The following DLG2 variants were observed in gnomAD, a reference collection of about 807,000 sequenced individuals.
The protein encoded by DLG2 is disks large homolog 2.
DLG2 carries 45 observed loss-of-function variants against 132.5 expected under a neutral mutation model. That is an observed-to-expected ratio of 0.34 (90% CI 0.27 to 0.44). The LOEUF is 0.44. DLG2 is among the 20% of genes least tolerant of loss of function. The probability of loss-of-function intolerance (pLI) is 1.00; values close to 1 mark genes in which losing one functional copy is unlikely to be tolerated. For missense variants in DLG2, 1,045 were observed against 1,196.9 expected (o/e 0.87, Z 1.87); for synonymous variants, 424 against 419.6 (o/e 1.01, Z -0.13).
chr11:85,477,010 C>A (rs1214112945), intron 3 of DLG2, among the ~76,000 whole-genome samples: 3 of 151,998 alleles, frequency 2.0e-5, no homozygotes, highest in Non-Finnish European at 4.4e-5. Flanking sequence ...TTGTTTACAC[C>A]AGCATCAATA....
chr11:84,141,440 C>A (rs958942779), intron 9 of DLG2, among the ~76,000 whole-genome samples: 1 of 151,962 alleles, frequency 6.6e-6, no homozygotes. Context: ...ATTTGTATAT[C>A]TGTTACATAT....
chr11:84,246,902 C>T (rs1419064863), intron 8 of DLG2, among the ~76,000 whole-genome samples: 2 of 151,778 alleles, frequency 1.3e-5, no homozygotes, highest in Non-Finnish European at 2.9e-5. Flanking sequence ...GGTTACACAC[C>T]AAAAATTGGC....
At chr11:83,719,940 A>G (rs545604197) in intron 18 of DLG2, among the ~76,000 whole-genome samples, 5 of 152,152 alleles carry the variant, frequency 3.3e-5, no homozygotes, top group Non-Finnish European at 5.9e-5. Flanking sequence ...TCTGTATATT[A>G]CATGCTATCT....
chr11:85,378,138 ATT>A (rs1384032197), intron 3 of DLG2, among the ~76,000 whole-genome samples: 1 of 152,094 alleles, frequency 6.6e-6, no homozygotes, highest in East Asian at 1.9e-4. Context: ...CATGGAAAAT[ATT>A]GTCTTTTTTC....
chr11:83,865,753 T>A (rs1483900506), intron 16 of DLG2, among the ~76,000 whole-genome samples: 2 of 152,088 alleles, frequency 1.3e-5, no homozygotes, highest in Non-Finnish European at 2.9e-5. Flanking sequence ...CATGTCTATG[T>A]CAAGACCACA....
At chr11:85,505,763 T>C (rs1237158163) in intron 3 of DLG2, among the ~76,000 whole-genome samples, 1 of 152,216 alleles carries the variant, frequency 6.6e-6, no homozygotes, top group Non-Finnish European at 1.5e-5. Flanking sequence ...TCCCGCTTTT[T>C]CAATTGATTG....
chr11:85,041,373 C>T (rs2061850397), intron 6 of DLG2, among the ~76,000 whole-genome samples: 1 of 151,888 alleles, frequency 6.6e-6, no homozygotes, highest in Non-Finnish European at 1.5e-5. Flanking sequence ...ATCAGCCTAT[C>T]TGATTCACTG....
intron 18 of DLG2, chr11:83,682,318 T>C (rs1004673163): frequency 2.1e-5 from 21 of 985,272 alleles, no homozygotes; most frequent in Non-Finnish European, 2.5e-5. Flanking sequence ...TGATGAATTA[T>C]AAAACAGCCC....
intron 6 of DLG2, among the ~76,000 whole-genome samples, chr11:84,850,132 T>A (rs374816820): frequency 6.6e-6 from 1 of 152,280 alleles, no homozygotes; most frequent in East Asian, 1.9e-4. Flanking sequence ...TGGTTGGTCA[T>A]TCTATCTGCC....
intron 9 of DLG2, among the ~76,000 whole-genome samples, chr11:84,114,996 C>A (rs2093564148): frequency 6.6e-6 from 1 of 152,160 alleles, no homozygotes; most frequent in Admixed American, 6.5e-5. Flanking sequence ...TACCAAGTAG[C>A]TATTAGTTAC....
At chr11:83,472,530 T>G (rs2092174883) in intron 23 of DLG2, among the ~76,000 whole-genome samples, 197 bp downstream of exon 23, 1 of 152,120 alleles carries the variant, frequency 6.6e-6, no homozygotes, top group African/African-American at 2.4e-5. Context: ...GTGCCCATAC[T>G]CAGCAGGAAG....
At chr11:84,875,927 G>A (rs983695479) in intron 6 of DLG2, among the ~76,000 whole-genome samples, 14 of 151,986 alleles carry the variant, frequency 9.2e-5, no homozygotes, top group African/African-American at 2.9e-4. Flanking sequence ...TAGTAGAGAC[G>A]GGGTTTCACC....
intron 15 of DLG2, among the ~76,000 whole-genome samples, chr11:83,904,500 T>C (rs2074239874): frequency 6.6e-6 from 1 of 152,176 alleles, no homozygotes; most frequent in Non-Finnish European, 1.5e-5. Flanking sequence ...TCTGATTATA[T>C]AATTCTTGGG....
At chr11:83,576,215 A>G (rs1295588972) in intron 19 of DLG2, among the ~76,000 whole-genome samples, 1 of 152,166 alleles carries the variant, frequency 6.6e-6, no homozygotes, top group Admixed American at 6.5e-5. Flanking sequence ...TTACTAACCA[A>G]CTAACCAAAC....
At chr11:84,927,786 C>T (rs1032893827) in intron 6 of DLG2, among the ~76,000 whole-genome samples, 2 of 151,914 alleles carry the variant, frequency 1.3e-5, no homozygotes, top group Non-Finnish European at 2.9e-5. Context: ...TTGTAAATTG[C>T]CGACTTTTTT....
intron 8 of DLG2, among the ~76,000 whole-genome samples, chr11:84,250,037 G>A (rs2097351430): frequency 6.6e-6 from 1 of 152,136 alleles, no homozygotes; most frequent in African/African-American, 2.4e-5. Flanking sequence ...ACCTGCTCAG[G>A]ACCGCCAGTT....
chr11:84,403,586 T>TA (rs923264979), intron 7 of DLG2, among the ~76,000 whole-genome samples: 19 of 151,984 alleles, frequency 1.3e-4, no homozygotes, highest in East Asian at 7.7e-4. Context: ...TTAACCTCCC[T>TA]AAAAAAAACA....
At chr11:84,524,563 T>G (rs1029547193) in intron 7 of DLG2, among the ~76,000 whole-genome samples, 1 of 152,224 alleles carries the variant, frequency 6.6e-6, no homozygotes, top group African/African-American at 2.4e-5. Flanking sequence ...ATGTTTTTAT[T>G]AACTAAGAGC....
At chr11:84,070,817 TG>T (rs1371316726) in intron 10 of DLG2, among the ~76,000 whole-genome samples, 2 of 152,200 alleles carry the variant, frequency 1.3e-5, no homozygotes, top group Non-Finnish European at 2.9e-5. Context: ...CTTCTAGCTC[TG>T]GTGTTCTATA....
Sources: gnomAD v4.1 joint callset for allele counts (sites outside exome capture counted in the v4.1 genomes callset) on GRCh38, gnomAD v4.1.1 for gene constraint, MANE v1.5 for transcripts, NCBI Gene and HGNC (gene_info 2026-07-23, HGNC 2026-07-21) for gene names.